The following ANK3 variants were observed in gnomAD, a reference collection of about 807,000 sequenced individuals.
ANK3 encodes the protein ankyrin 3.
Under a neutral mutation model 370.9 loss-of-function variants are expected in ANK3, and 57 were observed. The ratio of observed to expected loss-of-function variants is 0.15; its 90% CI spans 0.12 to 0.19. The LOEUF (loss-of-function observed/expected upper bound fraction) is 0.19. ANK3 is among the 10% of genes least tolerant of loss of function. The pLI is 1.00. For missense variants in ANK3, 4,439 were observed against 5,302.1 expected (o/e 0.84, Z 5.06); for synonymous variants, 1,929 against 1,946.3 (o/e 0.99, Z 0.23).
intron 1 of ANK3, among the ~76,000 whole-genome samples, chr10:60,301,391 T>TACAC (rs1224662040): frequency 7.0e-6 from 1 of 143,276 alleles, no homozygotes; most frequent in South Asian, 2.2e-4. Flanking sequence ...CATACATACA[T>TACAC]ACACACACAC....
At chr10:60,679,099 A>G (rs1297553822) in intron 1 of ANK3, among the ~76,000 whole-genome samples, 5 of 152,126 alleles carry the variant, frequency 3.3e-5, no homozygotes, top group Admixed American at 1.3e-4. Flanking sequence ...GGATTATACA[A>G]CCCGGGGGGC....
At chr10:60,648,168 T>C (rs2078736367) in intron 1 of ANK3, among the ~76,000 whole-genome samples, 1 of 146,748 alleles carries the variant, frequency 6.8e-6, no homozygotes, top group Non-Finnish European at 1.5e-5. Context: ...CTTTTTTTTT[T>C]TTGAGATGGA....
chr10:60,588,074 G>T (rs754178798), intron 2 of ANK3, among the ~76,000 whole-genome samples: 22 of 151,522 alleles, frequency 1.5e-4, no homozygotes, highest in Non-Finnish European at 2.9e-4. Context: ...GACAGCATGT[G>T]TTTCTACAGG....
intron 41 of ANK3, among the ~76,000 whole-genome samples, chr10:60,057,804 A>G (rs897012373): frequency 1.3e-5 from 2 of 152,138 alleles, no homozygotes; most frequent in African/African-American, 4.8e-5. Flanking sequence ...TGTAACTATA[A>G]ATTGTGTGAC....
intron 8 of ANK3, among the ~76,000 whole-genome samples, chr10:60,223,678 G>A (rs1002954804): frequency 6.6e-6 from 1 of 152,108 alleles, no homozygotes; most frequent in Admixed American, 6.5e-5. Context: ...TTTAAGAGTA[G>A]ACTCATTTTG....
intron 1 of ANK3, among the ~76,000 whole-genome samples, chr10:60,631,993 C>A (rs2078490234): frequency 6.6e-6 from 1 of 152,094 alleles, no homozygotes; most frequent in Admixed American, 6.5e-5. Flanking sequence ...GCCTTAAAGT[C>A]TAGTCTCAGC....
intron 2 of ANK3, among the ~76,000 whole-genome samples, chr10:60,506,175 T>C (rs2075935026): frequency 6.6e-6 from 1 of 152,120 alleles, no homozygotes; most frequent in Non-Finnish European, 1.5e-5. Context: ...GTTATTTCCT[T>C]CCCATCCAGT....
chr10:60,061,205 A>AT (rs2080383410), intron 40 of ANK3, among the ~76,000 whole-genome samples: 2 of 152,242 alleles, frequency 1.3e-5, no homozygotes, highest in Non-Finnish European at 2.9e-5. Flanking sequence ...TCTATAAACC[A>AT]GACTCTTGTT....
At chr10:60,594,155 T>C (rs2077955394) in intron 2 of ANK3, among the ~76,000 whole-genome samples, 1 of 152,204 alleles carries the variant, frequency 6.6e-6, no homozygotes, top group Non-Finnish European at 1.5e-5. Flanking sequence ...AATCAGTTTC[T>C]CTTCCTCTTC....
At chr10:60,687,531 A>ACACACACACACACACACACAC (rs111633246) in intron 1 of ANK3, among the ~76,000 whole-genome samples, 2 of 121,006 alleles carry the variant, frequency 1.7e-5, no homozygotes, top group African/African-American at 7.2e-5. Flanking sequence ...CTGGTATAAA[A>ACACACACACACACACACACAC]AAAAACACAC....
At chr10:60,272,089 T>TTGTGTG (rs5785433) in intron 4 of ANK3, among the ~76,000 whole-genome samples, 30 of 145,734 alleles carry the variant, frequency 2.1e-4, no homozygotes, top group African/African-American at 6.4e-4. Context: ...ACTGTGGGAT[T>TTGTGTG]TGTGTGTGTG....
intron 42 of ANK3, among the ~76,000 whole-genome samples, chr10:60,045,370 T>A (rs1035298100): frequency 1.1e-4 from 17 of 152,196 alleles, no homozygotes; most frequent in African/African-American, 3.9e-4. Context: ...TGGGCGCCTA[T>A]TTTCCTGTCA....
chr10:60,377,632 T>G (rs1468721554), intron 1 of ANK3, among the ~76,000 whole-genome samples: 4 of 152,150 alleles, frequency 2.6e-5, no homozygotes, highest in South Asian at 2.1e-4. Context: ...CATTTATATA[T>G]AGAAAATAAA....
At chr10:60,627,315 A>G (rs1259042511) in intron 1 of ANK3, among the ~76,000 whole-genome samples, 5 of 152,080 alleles carry the variant, frequency 3.3e-5, no homozygotes, top group Non-Finnish European at 7.4e-5. Flanking sequence ...TATTGACTCA[A>G]GATCTATCAA....
At position 60,465,810 on chromosome 10, in the gene ANK3, A is replaced by G. The variant is rs571112597; in HGVS notation, c.96+149376T>C. 1.9e-4 allele frequency among the ~76,000 whole-genome samples: 29 copies of G among 148,922 alleles called. No individual in the cohort carries two copies. The South Asian group carries it at 6.1e-3, about 31-fold the overall frequency. ...CTTTCTTTTTTTTTTTTTTTTTCAA[A>G]AAAAGAGGACTTAGGATGAAGAGTT... On this transcript the variant is annotated intron_variant, in intron 2 of 43. Transcript: ENST00000373827.
At chr10:60,240,107 T>TACATATATATACAC (rs797006690) in intron 7 of ANK3, among the ~76,000 whole-genome samples, 12,982 of 114,400 alleles carry the variant, frequency 0.11, 1,505 homozygotes, top group East Asian at 0.27. Context: ...CACACATAAA[T>TACATATATATACAC]ACATATATAT....
intron 23 of ANK3, among the ~76,000 whole-genome samples, chr10:60,150,799 G>T (rs1370416609): frequency 2.0e-5 from 3 of 152,056 alleles, no homozygotes; most frequent in African/African-American, 7.2e-5. Flanking sequence ...AGCAGATGCT[G>T]GTGCTATGCT....
At chr10:60,678,358 T>G (rs992771357) in intron 1 of ANK3, among the ~76,000 whole-genome samples, 1 of 152,038 alleles carries the variant, frequency 6.6e-6, no homozygotes, top group Non-Finnish European at 1.5e-5. Context: ...AAGAAACAAT[T>G]TAGTGGGCAA....
chr10:60,588,656 C>T (rs1296487674), intron 2 of ANK3, among the ~76,000 whole-genome samples: 2 of 152,066 alleles, frequency 1.3e-5, no homozygotes, highest in South Asian at 2.1e-4. Context: ...TGAGGTGGCT[C>T]ATGCCTGTAA....
Sources: gnomAD v4.1 joint callset for allele counts (sites outside exome capture counted in the v4.1 genomes callset) on GRCh38, gnomAD v4.1.1 for gene constraint, MANE v1.5 for transcripts, NCBI Gene and HGNC (gene_info 2026-07-23, HGNC 2026-07-21) for gene names.